The following SLX4IP variants were observed in gnomAD, a reference collection of about 807,000 sequenced individuals.
The protein encoded by SLX4IP is protein SLX4IP.
Under a neutral mutation model 32.9 loss-of-function variants are expected in SLX4IP, and 34 were observed. That is an observed-to-expected ratio of 1.03 (90% CI 0.79 to 1.38). The LOEUF (loss-of-function observed/expected upper bound fraction) is 1.38. SLX4IP is among the 40% of genes most tolerant of loss of function. The pLI is 0.00. For missense variants in SLX4IP, 444 were observed against 479.0 expected (o/e 0.93, Z 0.68); for synonymous variants, 172 against 171.7 (o/e 1.00, Z -0.01).
intron 4 of SLX4IP, among the ~76,000 whole-genome samples, chr20:10,580,163 C>CTT (rs2066567519): frequency 6.6e-6 from 1 of 152,142 alleles, no homozygotes; most frequent in Admixed American, 6.6e-5. Flanking sequence ...ACTCATGGGT[C>CTT]TTTAATTCTC....
rs1215267711 is a variant in SLX4IP at position 10,627,378 on chromosome 20, C to G, written c.*3999C>G. On this transcript the variant is annotated 3_prime_UTR_variant, in exon 8 of 8. Transcript: ENST00000334534. ...TTGGTTTATCTTAAATAGTTAAAAG[C>G]CTTCCTTAGTACAAAATAAATTAAG... The G allele has an allele frequency of 6.6e-6, 1 of 152,084 alleles. No individual in the cohort carries two copies. The highest frequency in any genetic ancestry group is 3.2e-3 in the Middle Eastern group (1 of 316). 9.4% of individuals were successfully genotyped at this position (152,084 alleles called of 1,614,324 possible). A position where few individuals can be genotyped will look rare whatever the true frequency, so the allele number is the denominator to read the frequency against.
At chr20:10,617,769 C>G (rs2067055842) in intron 6 of SLX4IP, among the ~76,000 whole-genome samples, 1 of 151,692 alleles carries the variant, frequency 6.6e-6, no homozygotes, top group African/African-American at 2.4e-5. Flanking sequence ...CCACCTCAGC[C>G]TGCTGAGTAG....
chr20:10,521,371 G>C (rs184354502), intron 2 of SLX4IP, among the ~76,000 whole-genome samples: 1 of 152,152 alleles, frequency 6.6e-6, no homozygotes, highest in South Asian at 2.1e-4. Flanking sequence ...TCTTCCTGAG[G>C]CTTCATATTG....
intron 4 of SLX4IP, among the ~76,000 whole-genome samples, chr20:10,562,056 A>G (rs919917671): frequency 2.6e-5 from 4 of 152,198 alleles, no homozygotes; most frequent in Non-Finnish European, 5.9e-5. Flanking sequence ...ATCCTGCAGC[A>G]GCGTCTAGGG....
At chr20:10,470,014 G>A (rs1407095245) in intron 2 of SLX4IP, among the ~76,000 whole-genome samples, 2 of 152,166 alleles carry the variant, frequency 1.3e-5, no homozygotes, top group Non-Finnish European at 1.5e-5. Flanking sequence ...ACACAAGACT[G>A]CCTCTTCAGT....
At chr20:10,527,721 C>G (rs1450690240) in intron 2 of SLX4IP, among the ~76,000 whole-genome samples, 2 of 125,702 alleles carry the variant, frequency 1.6e-5, no homozygotes, top group African/African-American at 5.4e-5. Context: ...CCAAAATTAT[C>G]ATCTCTGTTA....
intron 4 of SLX4IP, among the ~76,000 whole-genome samples, chr20:10,565,122 T>G (rs1413464932): frequency 6.6e-6 from 1 of 152,178 alleles, no homozygotes; most frequent in East Asian, 1.9e-4. Context: ...CCTGTGATTT[T>G]CCTCTTAATT....
chr20:10,565,938 A>G (rs2066387630), intron 4 of SLX4IP, among the ~76,000 whole-genome samples: 1 of 152,226 alleles, frequency 6.6e-6, no homozygotes, highest in African/African-American at 2.4e-5. Flanking sequence ...TTTCAACTAA[A>G]TAATGAAGTG....
chr20:10,608,229 C>T (rs1179660989), intron 6 of SLX4IP, among the ~76,000 whole-genome samples: 1 of 152,164 alleles, frequency 6.6e-6, no homozygotes, highest in Non-Finnish European at 1.5e-5. Context: ...CTGCCTCTCC[C>T]CTTATTCACT....
chr20:10,572,859 TTCTC>T (rs1288164163), intron 4 of SLX4IP, among the ~76,000 whole-genome samples: 1 of 152,152 alleles, frequency 6.6e-6, no homozygotes, highest in Non-Finnish European at 1.5e-5. Flanking sequence ...TACCAAGGTG[TTCTC>T]TCTCTTCGTC....
chr20:10,455,045 T>C (rs1457085526), intron 1 of SLX4IP, among the ~76,000 whole-genome samples: 1 of 152,220 alleles, frequency 6.6e-6, no homozygotes. Flanking sequence ...TATATCTTCT[T>C]TGAAGGAATG....
intron 2 of SLX4IP, among the ~76,000 whole-genome samples, chr20:10,521,056 GATATATTATTA>G (rs1388709836): frequency 6.6e-6 from 1 of 152,192 alleles, no homozygotes; most frequent in Non-Finnish European, 1.5e-5. Flanking sequence ...TTATTATGAT[GATATATTATTA>G]TGACAGTATT....
chr20:10,549,708 A>G (rs1316963325), intron 2 of SLX4IP, among the ~76,000 whole-genome samples: 2 of 152,180 alleles, frequency 1.3e-5, no homozygotes, highest in Non-Finnish European at 2.9e-5. Flanking sequence ...GTAATCTTGG[A>G]CTAGACCTTC....
Position 10,584,807 on chromosome 20 carries a change from G to T in SLX4IP, c.239-13868G>T, listed in dbSNP as rs568462992. ...TTAATAACTGGAAGAGGAAGTAGAA[G>T]AGATGATAAGTTTTAGGAATATTTA... On this transcript the variant is annotated intron_variant, in intron 4 of 7. Transcript: ENST00000334534. Among the ~76,000 whole-genome samples, 44 of 152,298 alleles carry T rather than the reference G, an allele frequency of 2.9e-4. No individual in the cohort carries two copies. The South Asian group carries it at 5.0e-3, about 17-fold the overall frequency.
intron 2 of SLX4IP, among the ~76,000 whole-genome samples, chr20:10,514,122 T>C (rs1357019769): frequency 6.6e-6 from 1 of 152,186 alleles, no homozygotes; most frequent in Admixed American, 6.5e-5. Flanking sequence ...AGCTACTCAT[T>C]CAAAGAAAAG....
rs145190109 is a variant in SLX4IP at position 10,582,904 on chromosome 20, G to A, written c.239-15771G>A. Among the ~76,000 whole-genome samples, 369 of 152,120 alleles carry A rather than the reference G, an allele frequency of 2.4e-3. 1 individual carries two copies. Among genetic ancestry groups the A allele is most frequent in the Admixed American group, 4.4e-3 (68 of 15,282 alleles). On this transcript the variant is annotated intron_variant, in intron 4 of 7. Transcript: ENST00000334534. ...TTATGTTCTGAGACTTTGGAAGAGG[G>A]TCTATATTAATATAAATATTTAGAA...
chr20:10,561,291 C>T (rs1601004022), intron 4 of SLX4IP, among the ~76,000 whole-genome samples: 1 of 151,712 alleles, frequency 6.6e-6, no homozygotes, highest in African/African-American at 2.4e-5. Flanking sequence ...TAATGTTAAC[C>T]ATATTTACCC....
intron 4 of SLX4IP, among the ~76,000 whole-genome samples, chr20:10,581,927 G>A (rs2066591590): frequency 1.3e-5 from 2 of 152,056 alleles, no homozygotes; most frequent in South Asian, 2.1e-4. Context: ...ATCTTCACCC[G>A]AAGTGGGATG....
chr20:10,530,836 C>A (rs1244730237), intron 2 of SLX4IP, among the ~76,000 whole-genome samples: 1 of 151,998 alleles, frequency 6.6e-6, no homozygotes, highest in Non-Finnish European at 1.5e-5. Context: ...TTCCAAAAAA[C>A]CAACTTCGTA....
Sources: gnomAD v4.1 joint callset for allele counts (sites outside exome capture counted in the v4.1 genomes callset) on GRCh38, gnomAD v4.1.1 for gene constraint, MANE v1.5 for transcripts, NCBI Gene and HGNC (gene_info 2026-07-23, HGNC 2026-07-21) for gene names.